Variants in ORC3 observed in about 807,000 individuals in gnomAD.
ORC3 encodes the protein origin recognition complex subunit 3.
A neutral mutation model predicts 100.7 loss-of-function variants in ORC3; 78 were observed. The ratio of observed to expected loss-of-function variants is 0.77; its 90% CI spans 0.65 to 0.94. The LOEUF (loss-of-function observed/expected upper bound fraction) is 0.94, where lower values mean the gene tolerates loss of function less well. Ranked by LOEUF, ORC3 falls within the 40% of genes least tolerant of loss-of-function variation. ORC3 has a pLI of 0.00. For synonymous variants in ORC3, 295 were observed against 289.3 expected (o/e 1.02, Z -0.20); for missense variants, 789 against 823.9 (o/e 0.96, Z 0.52).
chr6:87,635,815 G>T (rs1767774692), intron 12 of ORC3, among the ~76,000 whole-genome samples: 1 of 152,020 alleles, frequency 6.6e-6, no homozygotes, highest in Non-Finnish European at 1.5e-5. Flanking sequence ...ACTTGTTCAT[G>T]AGGTGATTTT....
intron 9 of ORC3, among the ~76,000 whole-genome samples, chr6:87,620,877 T>C (rs1461873745): frequency 6.6e-6 from 1 of 152,202 alleles, no homozygotes; most frequent in South Asian, 2.1e-4. Flanking sequence ...GGAAAAAAAT[T>C]AATTTGTAAA....
At chr6:87,600,577 C>A (rs1280380914) in intron 2 of ORC3, among the ~76,000 whole-genome samples, 1 of 151,994 alleles carries the variant, frequency 6.6e-6, no homozygotes, top group African/African-American at 2.4e-5. Flanking sequence ...GTACAACATA[C>A]AAAGCCATAA....
chr6:87,598,756 C>G (rs1777658482), intron 2 of ORC3, among the ~76,000 whole-genome samples: 1 of 151,404 alleles, frequency 6.6e-6, no homozygotes, highest in Non-Finnish European at 1.5e-5. Flanking sequence ...GCAGATGGAG[C>G]AGGAATGAGG....
the ORC3 span, among the ~76,000 whole-genome samples, chr6:87,677,095 AAATT>A: frequency 1.3e-5 from 2 of 151,970 alleles, no homozygotes; most frequent in Non-Finnish European, 2.9e-5. Flanking sequence ...AAAAAAAAAA[AAATT>A]AAAAACAAAG....
At chr6:87,664,501 AAT>A (rs1203610765) in intron 17 of ORC3, among the ~76,000 whole-genome samples, 1 of 152,190 alleles carries the variant, frequency 6.6e-6, no homozygotes, top group African/African-American at 2.4e-5. Flanking sequence ...TGAAATGAAA[AAT>A]ATGCTTATCT....
At chr6:87,647,729 A>G (rs1302970286) in intron 13 of ORC3, among the ~76,000 whole-genome samples, 1 of 152,238 alleles carries the variant, frequency 6.6e-6, no homozygotes, top group Non-Finnish European at 1.5e-5. Context: ...TATCTCTTGA[A>G]TGATTGGTTC....
At position 87,666,508 on chromosome 6, in the gene ORC3, G is replaced by T. The variant is rs903329051; in HGVS notation, c.2031-510G>T. On this transcript the variant is annotated intron_variant, in intron 19 of 19. Transcript: ENST00000392844. ...AGCTGGAGTGCAGTGGCACGATCTCGGCTCACCGCAACCTCCACCTCCCGG... is the reference window on the plus strand; with the variant it reads ...AGCTGGAGTGCAGTGGCACGATCTCTGCTCACCGCAACCTCCACCTCCCGG... Among the ~76,000 whole-genome samples the T allele has an allele frequency of 1.4e-5, 2 of 142,086 alleles. 1 individual carries two copies. The highest frequency in any genetic ancestry group is 5.4e-5 in the African/African-American group (2 of 36,804). The allele number at this position is 142,086 out of a possible 152,430, so 93.2% of individuals were successfully genotyped here.
At chr6:87,626,171 T>C (rs1779886171) in intron 11 of ORC3, among the ~76,000 whole-genome samples, 1 of 152,220 alleles carries the variant, frequency 6.6e-6, no homozygotes. Context: ...CAATGTGGGC[T>C]CTTTTTTGGT....
In ORC3 at chr6:87,665,856, A is replaced by G. The variant is rs200363307; in HGVS notation, c.2030+23A>G. ...CCAGTATCCTTTTAAAACCATTTCT[A>G]CAATGTCCAACTACACATAAAATAT... On this transcript the variant is annotated intron_variant, in intron 19 of 19. Coordinates refer to ENST00000392844, the MANE Select transcript of ORC3 (RefSeq NM_012381.4). 2.1e-5 allele frequency: 28 copies of G among 1,326,080 alleles called. No individual in the cohort carries two copies. In the African/African-American group the frequency reaches 3.7e-4, roughly 18 times the overall value. 82.1% of individuals were successfully genotyped at this position (1,326,080 alleles called of 1,614,324 possible).
At chr6:87,631,859 T>C (rs1003827202) in intron 11 of ORC3, among the ~76,000 whole-genome samples, 2 of 152,084 alleles carry the variant, frequency 1.3e-5, no homozygotes, top group Non-Finnish European at 2.9e-5. Flanking sequence ...CATAAGTACA[T>C]TAAGAATTAT....
At chr6:87,631,184 A>G (rs2128275257) in intron 11 of ORC3, among the ~76,000 whole-genome samples, 1 of 151,274 alleles carries the variant, frequency 6.6e-6, no homozygotes, top group African/African-American at 2.4e-5. Context: ...CCACTATGCC[A>G]TGCCTGTTTT....
rs75844049 is a variant in ORC3 at position 87,654,930 on chromosome 6, C to T, written c.1516+1681C>T. ...AATGCAGCTTTTGAAATGGGAAGGT[C>T]GAAGATTAAGATGATTAGTAGCCTA... On this transcript the variant is annotated intron_variant, in intron 14 of 19. Transcript: ENST00000392844. Among the ~76,000 whole-genome samples the T allele has an allele frequency of 8.2e-4, 125 of 152,018 alleles. 1 individual carries two copies. Among genetic ancestry groups the T allele is most frequent in the Non-Finnish European group, 1.4e-3 (95 of 67,998 alleles).
At chr6:87,627,162 TA>T (rs1429063393) in intron 11 of ORC3, among the ~76,000 whole-genome samples, 1 of 151,140 alleles carries the variant, frequency 6.6e-6, no homozygotes, top group Non-Finnish European at 1.5e-5. Flanking sequence ...CACACCCGGC[TA>T]ATTTTTTGTA....
the ORC3 span, chr6:87,675,902 G>C: frequency 6.2e-7 from 1 of 1,613,670 alleles, no homozygotes; most frequent in Non-Finnish European, 8.5e-7. Flanking sequence ...ATTTGATCAT[G>C]CGTAAACTTC....
chr6:87,625,177 G>T (rs1779806422), intron 11 of ORC3, among the ~76,000 whole-genome samples: 2 of 152,178 alleles, frequency 1.3e-5, no homozygotes, highest in Admixed American at 6.5e-5. Context: ...TGTCTTTGTA[G>T]TCGTATGATT....
intron 19 of ORC3, 34 bp from the exon 20 acceptor site, chr6:87,666,984 C>A: frequency 7.6e-7 from 1 of 1,323,648 alleles, no homozygotes; most frequent in Non-Finnish European, 1.1e-6. Context: ...GTCAAAAATA[C>A]AGCACGGCCA....
chr6:87,663,053 T>C lies in ORC3; in HGVS notation c.1742T>C (p.Phe581Ser). The stretch of plus-strand genomic sequence containing the variant: ...CAGCCTCTCCATGAGGTGGTGTACT[T>C]CAGTGCTGCCCATGCCCTTCGTGAG... The part of the protein sequence containing the change: ...ETQPLHEVVY[F>S]SAAHALREHL... Residue 581 changes from phenylalanine (F) to serine (S), a missense_variant, in exon 17 of 20, where the codon TTC (phenylalanine) becomes TCC (serine). Around this residue, in one of 3 missense-constraint regions of ORC3, gnomAD observed 366 missense variants for 394.2 expected, o/e 0.93. Transcript: ENST00000392844. 6.2e-7 allele frequency: 1 copy of C among 1,613,028 alleles called. No homozygotes were observed. The highest frequency in any genetic ancestry group is 1.7e-4 in the Middle Eastern group (1 of 5,930).
intron 11 of ORC3, among the ~76,000 whole-genome samples, chr6:87,629,697 C>T (rs1767239510): frequency 6.6e-6 from 1 of 152,134 alleles, no homozygotes; most frequent in South Asian, 2.1e-4. Context: ...TCTGCCGTCA[C>T]CCCTCCCAAC....
At chr6:87,635,248 C>T (rs1347412914) in intron 12 of ORC3, among the ~76,000 whole-genome samples, 1 of 152,182 alleles carries the variant, frequency 6.6e-6, no homozygotes, top group Non-Finnish European at 1.5e-5. Flanking sequence ...TTCCTTGTCA[C>T]CTGTACTGAG....
Sources: allele counts gnomAD v4.1 joint callset (sites outside exome capture counted in the v4.1 genomes callset), GRCh38; gene constraint gnomAD v4.1.1; regional missense constraint gnomAD v4.1.1; transcripts MANE v1.5; gene names NCBI Gene and HGNC (gene_info 2026-07-23, HGNC 2026-07-21).